TASP1: variants seen among roughly 807,000 people sequenced by gnomAD.
TASP1 encodes threonine aspartase 1.
A neutral mutation model predicts 56.6 loss-of-function variants in TASP1; 16 were observed. The observed-to-expected ratio is 0.28, with a 90% CI of 0.19 to 0.43. The LOEUF (loss-of-function observed/expected upper bound fraction) is 0.43, where lower values mean the gene tolerates loss of function less well. Among genes scored for constraint, TASP1 ranks in the 20% least tolerant of loss-of-function variants. TASP1 has a pLI of 1.00. For synonymous variants in TASP1, 179 were observed against 184.2 expected (o/e 0.97, Z 0.23); for missense variants, 393 against 511.6 (o/e 0.77, Z 2.24).
chr20:13,476,200 T>A (rs1449598606), intron 11 of TASP1, among the ~76,000 whole-genome samples: 1 of 152,216 alleles, frequency 6.6e-6, no homozygotes, highest in African/African-American at 2.4e-5. Flanking sequence ...ACATGCTCTC[T>A]CTCATGGTAA....
chr20:13,413,220 T>C (rs1259097829), intron 13 of TASP1, among the ~76,000 whole-genome samples: 1 of 152,138 alleles, frequency 6.6e-6, no homozygotes, highest in Non-Finnish European at 1.5e-5. Context: ...AATGTAAATA[T>C]CATTGAGTTA....
At chr20:13,160,214 T>C in the TASP1 span, 1 of 1,454,344 alleles carries the variant, frequency 6.9e-7, no homozygotes, top group Non-Finnish European at 9.2e-7. Context: ...CAGCTTGGGG[T>C]TCTCTGGGTT....
chr20:13,461,508 CA>C (rs1600867141), intron 11 of TASP1, among the ~76,000 whole-genome samples: 1 of 152,106 alleles, frequency 6.6e-6, no homozygotes, highest in East Asian at 1.9e-4. Context: ...AAGGGCTCTC[CA>C]GGATTATCTA....
At chr20:13,523,095 G>A (rs927708390) in intron 10 of TASP1, among the ~76,000 whole-genome samples, 1 of 152,154 alleles carries the variant, frequency 6.6e-6, no homozygotes, top group Non-Finnish European at 1.5e-5. Context: ...AATTGAGTGA[G>A]AGAAGAGAAC....
At chr20:13,628,361 T>C (rs893143573) in intron 2 of TASP1, among the ~76,000 whole-genome samples, 1 of 152,216 alleles carries the variant, frequency 6.6e-6, no homozygotes, top group African/African-American at 2.4e-5. Flanking sequence ...TGGAAGATAA[T>C]GGAAGATGTA....
the TASP1 span, among the ~76,000 whole-genome samples, chr20:13,337,125 A>G: frequency 1.3e-5 from 2 of 152,202 alleles, no homozygotes; most frequent in African/African-American, 4.8e-5. Context: ...AAACCATCTC[A>G]AGTGGGGTTT....
intron 8 of TASP1, among the ~76,000 whole-genome samples, chr20:13,552,252 C>T (rs2046004050): frequency 6.6e-6 from 1 of 152,156 alleles, no homozygotes; most frequent in Non-Finnish European, 1.5e-5. Flanking sequence ...ATCAGTGATG[C>T]ACATCACGAT....
At chr20:13,506,074 G>C (rs2044119557) in intron 10 of TASP1, among the ~76,000 whole-genome samples, 1 of 152,050 alleles carries the variant, frequency 6.6e-6, no homozygotes, top group African/African-American at 2.4e-5. Context: ...CATTACAACT[G>C]ATACCACAGA....
At chr20:13,525,600 T>C (rs922933942) in intron 10 of TASP1, among the ~76,000 whole-genome samples, 4 of 152,264 alleles carry the variant, frequency 2.6e-5, no homozygotes, top group East Asian at 1.9e-4. Flanking sequence ...TTCTAAGATA[T>C]ATAATCCTAA....
chr20:13,626,916 G>A (rs1371245654), intron 2 of TASP1, among the ~76,000 whole-genome samples: 1 of 100,716 alleles, frequency 9.9e-6, no homozygotes, highest in African/African-American at 3.4e-5. Flanking sequence ...CCCCCACCCC[G>A]TACATCTTTA....
chr20:13,636,058 T>G (rs2049293615), intron 1 of TASP1, among the ~76,000 whole-genome samples: 1 of 151,978 alleles, frequency 6.6e-6, no homozygotes, highest in Admixed American at 6.6e-5. Context: ...GTCATGGAAT[T>G]CATCCATCTT....
intron 8 of TASP1, among the ~76,000 whole-genome samples, chr20:13,542,927 C>A (rs2045676230): frequency 6.7e-6 from 1 of 149,928 alleles, no homozygotes; most frequent in Non-Finnish European, 1.5e-5. Context: ...GAGAACAAGA[C>A]AAACACAAAG....
chr20:13,377,087 C>A, the TASP1 span, among the ~76,000 whole-genome samples: 1 of 152,082 alleles, frequency 6.6e-6, no homozygotes, highest in Non-Finnish European at 1.5e-5. Context: ...GTCTGATTGC[C>A]CTGGCCAGAA....
intron 2 of TASP1, among the ~76,000 whole-genome samples, chr20:13,626,902 C>T (rs374692195): frequency 3.0e-5 from 3 of 100,776 alleles, no homozygotes; most frequent in East Asian, 3.4e-4. Context: ...TCAGCAGAGC[C>T]CCCCCCCCAC....
At chr20:13,325,186 G>A in the TASP1 span, among the ~76,000 whole-genome samples, 5 of 152,190 alleles carry the variant, frequency 3.3e-5, no homozygotes, top group African/African-American at 1.2e-4. Flanking sequence ...GGATGGCCCT[G>A]GAGTGTCTCC....
At chr20:13,617,806 G>A (rs2048573352) in intron 4 of TASP1, among the ~76,000 whole-genome samples, 2 of 152,248 alleles carry the variant, frequency 1.3e-5, no homozygotes, top group Admixed American at 1.3e-4. Context: ...CTTGTTATAA[G>A]TTTGGTGAGG....
At chr20:13,624,534 G>A (rs1321235355) in intron 3 of TASP1, among the ~76,000 whole-genome samples, 3 of 151,964 alleles carry the variant, frequency 2.0e-5, no homozygotes, top group Non-Finnish European at 2.9e-5. Flanking sequence ...AGAGAGAGAC[G>A]CATATTTACT....
the TASP1 span, among the ~76,000 whole-genome samples, chr20:13,289,667 G>A: frequency 1.0e-5 from 1 of 96,636 alleles, no homozygotes; most frequent in Admixed American, 9.6e-5. Flanking sequence ...AGAAGGAGGA[G>A]GAGGAGGGGG....
Position 13,557,445 on chromosome 20 carries a change from T to C in TASP1, c.675+1563A>G, listed in dbSNP as rs910413744. ...GGCTGCCTTTAAGTTGGAGACTAAC[T>C]GGAAAGCAGCATGAAAGAACTGGAA... On this transcript the variant is annotated intron_variant, in intron 8 of 13. Coordinates refer to ENST00000337743, the MANE Select transcript of TASP1 (RefSeq NM_017714.3). Among the ~76,000 whole-genome samples, 58 of 152,020 alleles carry C rather than the reference T, an allele frequency of 3.8e-4. 1 individual carries two copies. The highest frequency in any genetic ancestry group is 3.7e-3 in the Admixed American group (56 of 15,244).
Sources: allele counts gnomAD v4.1 joint callset (sites outside exome capture counted in the v4.1 genomes callset), GRCh38; gene constraint gnomAD v4.1.1; transcripts MANE v1.5; gene names NCBI Gene and HGNC (gene_info 2026-07-23, HGNC 2026-07-21).